Variants in RIC8B observed in about 807,000 individuals in gnomAD.
RIC8B encodes chaperone Ric-8B.
Under a neutral mutation model 57.5 loss-of-function variants are expected in RIC8B, and 16 were observed. That is an observed-to-expected ratio of 0.28 (90% CI 0.19 to 0.42). The LOEUF is 0.42. Ranked by LOEUF, RIC8B falls within the 10% of genes least tolerant of loss-of-function variation. The pLI, the probability that RIC8B is intolerant of heterozygous loss-of-function variation, is 1.00. For missense variants in RIC8B, 481 were observed against 677.0 expected (o/e 0.71, Z 3.21); for synonymous variants, 216 against 250.8 (o/e 0.86, Z 1.31).
chr12:106,801,270 C>G (rs1282813595), intron 2 of RIC8B, among the ~76,000 whole-genome samples: 1 of 152,172 alleles, frequency 6.6e-6, no homozygotes, highest in Non-Finnish European at 1.5e-5. Context: ...GAAAGGGCAG[C>G]TGATTGGTTT....
rs192574202 is a variant in RIC8B at position 106,812,755 on chromosome 12, T to C, written c.133-1941T>C. 3.3e-5 allele frequency among the ~76,000 whole-genome samples: 5 copies of C among 152,336 alleles called. No homozygotes were observed. The East Asian group carries it at 9.6e-4, about 29-fold the overall frequency. ...AAATTTTCCCTGTTCTGTATACTTTTAATTAATGGGCACATTATACTTTCC... is the reference window on the plus strand; with the variant it reads ...AAATTTTCCCTGTTCTGTATACTTTCAATTAATGGGCACATTATACTTTCC... On this transcript the variant is annotated intron_variant, in intron 2 of 9. Coordinates refer to ENST00000392837, the MANE Select transcript of RIC8B (RefSeq NM_001330145.2).
At chr12:106,880,275 C>G (rs1314285879) in intron 9 of RIC8B, among the ~76,000 whole-genome samples, 5 of 152,058 alleles carry the variant, frequency 3.3e-5, no homozygotes, top group African/African-American at 7.2e-5. Flanking sequence ...GTGTTTGACT[C>G]TTAGGTTTAG....
At chr12:106,874,423 G>C in intron 9 of RIC8B, 1 of 1,291,656 alleles carries the variant, frequency 7.7e-7, no homozygotes, top group South Asian at 1.3e-5. Context: ...AAAGGATAGG[G>C]TTGGAGGTGA....
At chr12:106,824,768 G>A (rs1169366826) in intron 3 of RIC8B, among the ~76,000 whole-genome samples, 4 of 151,914 alleles carry the variant, frequency 2.6e-5, no homozygotes, top group Non-Finnish European at 5.9e-5. Context: ...TTAGCTGGGT[G>A]TGGTGGCGGG....
At chr12:106,829,831 C>G (rs2046277691) in intron 4 of RIC8B, among the ~76,000 whole-genome samples, 1 of 152,188 alleles carries the variant, frequency 6.6e-6, no homozygotes, top group South Asian at 2.1e-4. Context: ...CATGGCTCCT[C>G]TTTGTCTTAA....
At chr12:106,776,537 A>G (rs2051129197) in intron 1 of RIC8B, among the ~76,000 whole-genome samples, 5 of 152,216 alleles carry the variant, frequency 3.3e-5, no homozygotes. Flanking sequence ...TCAACTGGAT[A>G]TAATCACGTT....
chr12:106,789,250 G>T (rs2044163617), intron 2 of RIC8B, among the ~76,000 whole-genome samples: 1 of 152,130 alleles, frequency 6.6e-6, no homozygotes, highest in Non-Finnish European at 1.5e-5. Flanking sequence ...ATCACTATCA[G>T]CATTTTTGTC....
intron 6 of RIC8B, among the ~76,000 whole-genome samples, chr12:106,845,840 A>G (rs550562998): frequency 1.3e-5 from 2 of 152,290 alleles, no homozygotes; most frequent in African/African-American, 4.8e-5. Context: ...TGTTTATCAG[A>G]GTCACCAACT....
At chr12:106,812,507 T>A (rs917026089) in intron 2 of RIC8B, among the ~76,000 whole-genome samples, 1 of 152,022 alleles carries the variant, frequency 6.6e-6, no homozygotes, top group Admixed American at 6.6e-5. Context: ...GAAAGATATT[T>A]GTGTGCTTTT....
chr12:106,835,196 C>T (rs923245438), intron 4 of RIC8B, among the ~76,000 whole-genome samples: 2 of 151,970 alleles, frequency 1.3e-5, no homozygotes, highest in South Asian at 4.2e-4. Flanking sequence ...GGTTTAAGGT[C>T]ATTAGTAAGT....
At chr12:106,810,950 C>G (rs1408566844) in intron 2 of RIC8B, among the ~76,000 whole-genome samples, 5 of 152,250 alleles carry the variant, frequency 3.3e-5, no homozygotes, top group African/African-American at 1.2e-4. Flanking sequence ...AGAAGAAGAG[C>G]CAAGATTTGC....
intron 4 of RIC8B, among the ~76,000 whole-genome samples, chr12:106,841,300 A>G (rs1422130133): frequency 6.6e-6 from 1 of 152,170 alleles, no homozygotes; most frequent in Non-Finnish European, 1.5e-5. Flanking sequence ...GATGCCCTAT[A>G]CATTACCACT....
At chr12:106,810,381 G>A (rs182608924) in intron 2 of RIC8B, among the ~76,000 whole-genome samples, 2 of 151,914 alleles carry the variant, frequency 1.3e-5, no homozygotes, top group East Asian at 1.9e-4. Context: ...ACTACAATAC[G>A]TTTTCTTCGT....
chr12:106,775,305 G>T, intron 1 of RIC8B: 1 of 455,966 alleles, frequency 2.2e-6, no homozygotes. Flanking sequence ...TCTCATCTAT[G>T]GTCTCCTTTG....
chr12:106,860,928 G>C (rs1407091910), intron 8 of RIC8B, among the ~76,000 whole-genome samples: 1 of 151,866 alleles, frequency 6.6e-6, no homozygotes, highest in Non-Finnish European at 1.5e-5. Flanking sequence ...AAACATATAA[G>C]ACTCATCTTT....
chr12:106,786,960 C>T (rs1369113899), intron 2 of RIC8B, among the ~76,000 whole-genome samples: 1 of 152,132 alleles, frequency 6.6e-6, no homozygotes, highest in East Asian at 1.9e-4. Context: ...TTTGGTAGTG[C>T]TTTTACTGGT....
chr12:106,814,568 T>G (rs2045486736), intron 2 of RIC8B, 128 bp from the exon 3 acceptor site: 1 of 1,004,864 alleles, frequency 1.0e-6, no homozygotes, highest in African/African-American at 1.6e-5. Flanking sequence ...ATTCCGTGAT[T>G]TAAAAAATAA....
At chr12:106,804,751 A>G (rs1310725544) in intron 2 of RIC8B, among the ~76,000 whole-genome samples, 1 of 152,214 alleles carries the variant, frequency 6.6e-6, no homozygotes, top group Admixed American at 6.5e-5. Context: ...GCCCCCGCCA[A>G]AGCTGATAAA....
At chr12:106,803,215 C>CAAAAAAAAA (rs55853235) in intron 2 of RIC8B, among the ~76,000 whole-genome samples, 8 of 83,996 alleles carry the variant, frequency 9.5e-5, no homozygotes, top group African/African-American at 2.5e-4. Context: ...TACCCTGTCT[C>CAAAAAAAAA]AAAAAAAAAA....
Sources: gnomAD v4.1 joint callset for allele counts (sites outside exome capture counted in the v4.1 genomes callset) on GRCh38, gnomAD v4.1.1 for gene constraint, MANE v1.5 for transcripts, NCBI Gene and HGNC (gene_info 2026-07-23, HGNC 2026-07-21) for gene names.